The following CNOT6 variants were observed in gnomAD, a reference collection of about 807,000 sequenced individuals.
CNOT6 encodes carbon catabolite repression 4 protein.
A neutral mutation model predicts 61.2 loss-of-function variants in CNOT6; 12 were observed. The observed-to-expected ratio is 0.20, with a 90% CI of 0.13 to 0.32. The LOEUF is 0.32. Among genes scored for constraint, CNOT6 ranks in the 10% least tolerant of loss-of-function variants. The pLI, the probability that CNOT6 is intolerant of heterozygous loss-of-function variation, is 1.00. For missense variants in CNOT6, 405 were observed against 663.9 expected, an observed-to-expected ratio of 0.61 and a Z score of 4.28; for synonymous variants, 225 against 240.6, an observed-to-expected ratio of 0.94 and a Z score of 0.60.
At chr5:180,503,122 G>A (rs2127692935) in intron 1 of CNOT6, among the ~76,000 whole-genome samples, 1 of 152,166 alleles carries the variant, frequency 6.6e-6, no homozygotes, top group Non-Finnish European at 1.5e-5. Context: ...CTTTACATGT[G>A]TCTCATTTAA....
chr5:180,574,084 A>G lies in CNOT6; in HGVS notation c.1558A>G (p.Ser520Gly), dbSNP rs1760901397. 6.2e-7 allele frequency: 1 copy of G among 1,614,024 alleles called. No individual in the cohort carries two copies. The highest frequency in any genetic ancestry group is 8.5e-7 in the Non-Finnish European group (1 of 1,179,950). Residue 520 changes from serine to glycine, a missense_variant, in exon 12 of 12, where the codon AGT (serine) becomes GGT (glycine). By Grantham distance (56) the Ser-to-Gly change is moderately conservative (BLOSUM62 0). Coordinates refer to ENST00000261951, the MANE Select transcript of CNOT6 (RefSeq NM_001370472.1). Reference protein sequence around the residue: ...DHHWLVENNISGCPHPLIPSD... With the variant: ...DHHWLVENNIGGCPHPLIPSD... ...CCACTGGCTGGTTGAGAATAACATCAGTGGCTGCCCGCACCCCCTCATCCC... is the reference window on the plus strand; with the variant it reads ...CCACTGGCTGGTTGAGAATAACATCGGTGGCTGCCCGCACCCCCTCATCCC...
In CNOT6 at chr5:180,575,884, ATTC is replaced by A. The variant is rs1760979952; in HGVS notation, c.*1687_*1689del. The A allele has an allele frequency of 6.7e-6, 1 of 148,460 alleles. No individual in the cohort carries two copies. 9.2% of individuals were successfully genotyped at this position (148,460 alleles called of 1,614,324 possible). ...CAGAAAATGAGTCATTTTGGAAATG[ATTC>A]TTATGTTTTTTTTTTTTCTCCTTTT... On this transcript the variant is annotated 3_prime_UTR_variant, in exon 12 of 12. Transcript: ENST00000261951.
intron 1 of CNOT6, among the ~76,000 whole-genome samples, chr5:180,501,062 T>A (rs1423366197): frequency 6.6e-6 from 1 of 152,072 alleles, no homozygotes; most frequent in Admixed American, 6.6e-5. Flanking sequence ...TGTGAATAGT[T>A]GTAGGGTTTT....
At chr5:180,509,682 C>T (rs1225786010) in intron 1 of CNOT6, among the ~76,000 whole-genome samples, 16 of 149,702 alleles carry the variant, frequency 1.1e-4, no homozygotes, top group Non-Finnish European at 1.5e-4. Context: ...CCCAAGGTGC[C>T]GGGATTACAG....
chr5:180,564,831 C>T (rs1760372826), intron 6 of CNOT6, 88 bp downstream of exon 6: 1 of 1,030,550 alleles, frequency 9.7e-7, no homozygotes, highest in Non-Finnish European at 1.5e-6. Flanking sequence ...TTACAGGTAG[C>T]ATTAAGACAA....
intron 7 of CNOT6, 108 bp from the exon 8 acceptor site, chr5:180,566,980 G>T (rs1343505853): frequency 9.4e-7 from 1 of 1,068,854 alleles, no homozygotes; most frequent in Non-Finnish European, 1.3e-6. Flanking sequence ...TCTTTAATCT[G>T]CAGACCAGTC....
At chr5:180,496,437 G>T (rs1164821203) in intron 1 of CNOT6, among the ~76,000 whole-genome samples, 2 of 152,146 alleles carry the variant, frequency 1.3e-5, no homozygotes, top group Non-Finnish European at 2.9e-5. Flanking sequence ...CGACCTAATC[G>T]CTAGAGGTTT....
chr5:180,508,129 G>A (rs1757215272), intron 1 of CNOT6, among the ~76,000 whole-genome samples: 1 of 131,088 alleles, frequency 7.6e-6, no homozygotes, highest in Non-Finnish European at 1.8e-5. Context: ...AATAGCTCAG[G>A]TAAGAGCTGA....
intron 2 of CNOT6, among the ~76,000 whole-genome samples, chr5:180,540,256 C>T (rs1398574897): frequency 4.6e-5 from 7 of 152,150 alleles, no homozygotes; most frequent in Non-Finnish European, 1.0e-4. Flanking sequence ...TAGTGATGTT[C>T]TGAAACTGGT....
chr5:180,566,506 A>G (rs1760463367), intron 7 of CNOT6, among the ~76,000 whole-genome samples: 1 of 152,188 alleles, frequency 6.6e-6, no homozygotes, highest in Non-Finnish European at 1.5e-5. Flanking sequence ...ACATAAGGAA[A>G]TACACATGCA....
chr5:180,560,073 A>G (rs1248096204), intron 4 of CNOT6, among the ~76,000 whole-genome samples: 2 of 150,996 alleles, frequency 1.3e-5, no homozygotes, highest in Non-Finnish European at 1.5e-5. Context: ...CTTGCCTTCC[A>G]AGTAGCTGGG....
chr5:180,513,032 A>G (rs1757467439), intron 1 of CNOT6, among the ~76,000 whole-genome samples: 1 of 151,882 alleles, frequency 6.6e-6, no homozygotes, highest in African/African-American at 2.4e-5. Flanking sequence ...AGTAGCTGGG[A>G]CTACAGGTGC....
At chr5:180,532,404 A>G (rs1231383079) in intron 2 of CNOT6, among the ~76,000 whole-genome samples, 1 of 152,032 alleles carries the variant, frequency 6.6e-6, no homozygotes, top group Non-Finnish European at 1.5e-5. Flanking sequence ...TCCTTCCACC[A>G]CATGCTGTGA....
intron 2 of CNOT6, among the ~76,000 whole-genome samples, chr5:180,543,109 A>G (rs1021776557): frequency 1.3e-5 from 2 of 152,002 alleles, no homozygotes; most frequent in African/African-American, 2.4e-5. Flanking sequence ...CCCAGGTTGG[A>G]GTGCAGTGGC....
chr5:180,533,312 C>CTATATA (rs56266069), intron 2 of CNOT6, among the ~76,000 whole-genome samples: 3,035 of 127,122 alleles, frequency 0.024, 73 homozygotes, highest in Non-Finnish European at 0.037. Context: ...GGATGAAAAC[C>CTATATA]TATATATATA....
intron 1 of CNOT6, among the ~76,000 whole-genome samples, chr5:180,500,523 C>T (rs183538040): frequency 4.5e-4 from 68 of 151,894 alleles, no homozygotes; most frequent in African/African-American, 1.5e-3. Flanking sequence ...CTGCAGGCTC[C>T]GCCTCCCGGG....
At chr5:180,545,092 CTG>C (rs1303271550) in intron 2 of CNOT6, among the ~76,000 whole-genome samples, 1 of 151,852 alleles carries the variant, frequency 6.6e-6, no homozygotes, top group African/African-American at 2.4e-5. Flanking sequence ...GGTATGGTGT[CTG>C]TTCTGTTTAT....
intron 10 of CNOT6, among the ~76,000 whole-genome samples, chr5:180,570,699 T>C (rs1760705855): frequency 6.6e-6 from 1 of 152,252 alleles, no homozygotes; most frequent in African/African-American, 2.4e-5. Flanking sequence ...AAGTATATTT[T>C]CATAGCCCAT....
chr5:180,538,629 A>G (rs967975280), intron 2 of CNOT6, among the ~76,000 whole-genome samples: 2 of 150,266 alleles, frequency 1.3e-5, no homozygotes, highest in East Asian at 4.1e-4. Flanking sequence ...CGGAGGTTGC[A>G]GTAAGCCAAG....
Sources: allele counts gnomAD v4.1 joint callset (sites outside exome capture counted in the v4.1 genomes callset), GRCh38; gene constraint gnomAD v4.1.1; transcripts MANE v1.5; gene names NCBI Gene and HGNC (gene_info 2026-07-23, HGNC 2026-07-21).